SV2C: variants seen among roughly 807,000 people sequenced by gnomAD.
SV2C encodes the protein synaptic vesicle glycoprotein 2C.
SV2C carries 49 observed loss-of-function variants against 79.7 expected under a neutral mutation model. That is an observed-to-expected ratio of 0.61 (90% CI 0.49 to 0.78). The LOEUF (loss-of-function observed/expected upper bound fraction) is 0.78, where lower values mean the gene tolerates loss of function less well. Ranked by LOEUF, SV2C falls within the 30% of genes least tolerant of loss-of-function variation. The pLI, the probability that SV2C is intolerant of heterozygous loss-of-function variation, is 0.00. For synonymous variants in SV2C, 334 were observed against 333.2 expected, an observed-to-expected ratio of 1.00 and a Z score of -0.03; for missense variants, 833 against 912.9, an observed-to-expected ratio of 0.91 and a Z score of 1.13.
Position 76,137,111 on chromosome 5 carries a change from C to A in SV2C, c.580+4781C>A, listed in dbSNP as rs141673967. Among the ~76,000 whole-genome samples the A allele has an allele frequency of 1.4e-3, 208 of 152,234 alleles. 2 individuals are homozygous for A. The highest frequency in any genetic ancestry group is 4.4e-3 in the African/African-American group (184 of 41,542). On this transcript the variant is annotated intron_variant, in intron 2 of 12. Coordinates refer to ENST00000502798, the MANE Select transcript of SV2C (RefSeq NM_014979.4). Reference sequence around the variant, plus strand: ...CTGTGCCTCGGTTTTCATAGCTGTACGTTGGCAATAAGAATACCCAATTAG... The same window carrying A: ...CTGTGCCTCGGTTTTCATAGCTGTAAGTTGGCAATAAGAATACCCAATTAG...
chr5:76,069,173 T>C, the SV2C span, among the ~76,000 whole-genome samples: 19 of 152,288 alleles, frequency 1.2e-4, no homozygotes, highest in African/African-American at 4.6e-4. Context: ...AAGTTGTAAT[T>C]GCTCTCTGCC....
chr5:76,037,119 T>A, the SV2C span, among the ~76,000 whole-genome samples: 1 of 152,204 alleles, frequency 6.6e-6, no homozygotes, highest in Non-Finnish European at 1.5e-5. Context: ...CACTTCTCTG[T>A]ATTGGTTATT....
chr5:76,058,086 T>C, the SV2C span, among the ~76,000 whole-genome samples: 1 of 152,184 alleles, frequency 6.6e-6, no homozygotes, highest in African/African-American at 2.4e-5. Context: ...TTTGCATTTA[T>C]GTATTTGATA....
At chr5:76,016,473 G>A in the SV2C span, among the ~76,000 whole-genome samples, 73 of 151,914 alleles carry the variant, frequency 4.8e-4, no homozygotes, top group Middle Eastern at 3.2e-3. Flanking sequence ...GGGGGAGAAT[G>A]TGAGAGAGCA....
chr5:76,035,272 T>G, the SV2C span, among the ~76,000 whole-genome samples: 4 of 152,100 alleles, frequency 2.6e-5, no homozygotes, highest in African/African-American at 9.7e-5. Context: ...CTGATCTTAG[T>G]TATATCTTGC....
chr5:76,232,579 G>A (rs1745459108), intron 4 of SV2C, among the ~76,000 whole-genome samples: 1 of 151,548 alleles, frequency 6.6e-6, no homozygotes. Flanking sequence ...TAGGTCTAAT[G>A]TGTAAGTGTT....
the SV2C span, among the ~76,000 whole-genome samples, chr5:75,908,684 A>G: frequency 1.3e-5 from 2 of 152,138 alleles, no homozygotes; most frequent in African/African-American, 4.8e-5. Flanking sequence ...TCTTCCATGG[A>G]CATCTGGATT....
At chr5:76,170,900 CGCT>C (rs1389243844) in intron 2 of SV2C, 1 of 409,206 alleles carries the variant, frequency 2.4e-6, no homozygotes, top group East Asian at 9.9e-5. Context: ...ACAGTCGCGG[CGCT>C]GACGCCCGCG....
At chr5:75,890,233 C>T in the SV2C span, among the ~76,000 whole-genome samples, 1 of 152,040 alleles carries the variant, frequency 6.6e-6, no homozygotes, top group Non-Finnish European at 1.5e-5. Flanking sequence ...CTTTCATTTG[C>T]CTAGGTCAAT....
At position 76,328,101 on chromosome 5, in the gene SV2C, A is replaced by G. The variant is rs939024329; in HGVS notation, c.*2554A>G. On this transcript the variant is annotated 3_prime_UTR_variant, in exon 13 of 13. Coordinates refer to ENST00000502798, the MANE Select transcript of SV2C (RefSeq NM_014979.4). ...CACCTTGATTTTCTAAGAGAGCTCA[A>G]ATCATTTCCAAAGCATGTGGTGTGG... The G allele has an allele frequency of 6.6e-6, 1 of 152,178 alleles. No homozygotes were observed. The highest frequency in any genetic ancestry group is 2.4e-5 in the African/African-American group (1 of 41,432). The allele number at this position is 152,178 out of a possible 1,614,324, so 9.4% of individuals were successfully genotyped here.
chr5:76,291,124 C>T (rs555605541), intron 6 of SV2C, 97 bp from the exon 7 acceptor site: 25 of 708,738 alleles, frequency 3.5e-5, no homozygotes, highest in Middle Eastern at 2.7e-4. Flanking sequence ...TACTTCTTGC[C>T]GGAGTCAGTT....
At position 76,219,425 on chromosome 5, in the gene SV2C, C is replaced by T. The variant is rs531857978; in HGVS notation, c.913+9538C>T. On this transcript the variant is annotated intron_variant, in intron 4 of 12. Transcript: ENST00000502798. ...GTCAAATAAACATTGATGATATAGT[C>T]TTTAAGGGCTTAAAAAGTAGATGTG... Among the ~76,000 whole-genome samples, 37 of 152,290 alleles carry T rather than the reference C, an allele frequency of 2.4e-4. No individual in the cohort carries two copies. In the South Asian group the frequency reaches 7.5e-3, roughly 31 times the overall value.
the SV2C span, among the ~76,000 whole-genome samples, chr5:75,882,027 A>C: frequency 6.7e-6 from 1 of 150,044 alleles, no homozygotes; most frequent in Non-Finnish European, 1.5e-5. Flanking sequence ...AATTTTGTCA[A>C]AGGCCTTTTC....
chr5:76,324,805 A>G (rs957205540), intron 12 of SV2C, among the ~76,000 whole-genome samples: 6 of 152,166 alleles, frequency 3.9e-5, no homozygotes, highest in African/African-American at 1.4e-4. Flanking sequence ...GCAGTGAGTT[A>G]TCATTGTACC....
chr5:76,270,358 G>A (rs1746805312), intron 4 of SV2C, among the ~76,000 whole-genome samples: 1 of 152,166 alleles, frequency 6.6e-6, no homozygotes, highest in African/African-American at 2.4e-5. Flanking sequence ...TTGCTTTGGG[G>A]GAAAGCCCCG....
chr5:76,021,158 C>T, the SV2C span, among the ~76,000 whole-genome samples: 1 of 152,100 alleles, frequency 6.6e-6, no homozygotes. Flanking sequence ...CAGCAGTGCT[C>T]TTTATAAGAC....
the SV2C span, among the ~76,000 whole-genome samples, chr5:75,999,232 G>A: frequency 6.6e-5 from 10 of 151,858 alleles, no homozygotes; most frequent in Non-Finnish European, 1.5e-5. Context: ...TTTGGGTGGG[G>A]ACACAGCCAA....
rs1319122047 is a variant in SV2C, at chr5:76,242,318, G to C, written c.913+32431G>C. 3.4e-6 allele frequency: 5 copies of C among 1,459,194 alleles called. No homozygotes were observed. The Admixed American group carries it at 8.5e-5, about 25-fold the overall frequency. 90.4% of individuals were successfully genotyped at this position (1,459,194 alleles called of 1,614,324 possible). On this transcript the variant is annotated intron_variant, in intron 4 of 12. Transcript: ENST00000502798. ...CATGGTGGCGGCAGCGACGGCAGCG[G>C]GACATAGGTGCTGGACGCGGGACGC...
chr5:76,294,662 A>G (rs1580038755), intron 8 of SV2C, among the ~76,000 whole-genome samples: 1 of 152,338 alleles, frequency 6.6e-6, no homozygotes, highest in Middle Eastern at 3.4e-3. Context: ...GTAAGTCTTC[A>G]AAATCCTGTG....
Sources: allele counts gnomAD v4.1 joint callset (sites outside exome capture counted in the v4.1 genomes callset), GRCh38; gene constraint gnomAD v4.1.1; transcripts MANE v1.5; gene names NCBI Gene and HGNC (gene_info 2026-07-23, HGNC 2026-07-21).